The following KBTBD2 variants were observed in gnomAD, a reference collection of about 807,000 sequenced individuals.
KBTBD2 encodes the protein kelch repeat and BTB domain containing 2, also known as kelch repeat and BTB domain-containing protein 2.
A neutral mutation model predicts 57.1 loss-of-function variants in KBTBD2; 17 were observed. The ratio of observed to expected loss-of-function variants is 0.30; its 90% CI spans 0.20 to 0.45. The LOEUF (loss-of-function observed/expected upper bound fraction) is 0.45. KBTBD2 is among the 20% of genes least tolerant of loss of function. The probability of loss-of-function intolerance (pLI) is 1.00; values close to 1 mark genes in which losing one functional copy is unlikely to be tolerated. For synonymous variants in KBTBD2, 267 were observed against 262.7 expected (o/e 1.02, Z -0.16); for missense variants, 515 against 750.6 (o/e 0.69, Z 3.67).
chr7:32,878,582 C>CAA lies in KBTBD2; in HGVS notation c.170+851_170+852dup, dbSNP rs5883373. Reference sequence around the variant, plus strand: ...CCTGGACAACAGAGTGAGATCGTCTCAAAAAAAAAAAACAAAAACAAAACA... The same window carrying CAA: ...CCTGGACAACAGAGTGAGATCGTCTCAAAAAAAAAAAAAACAAAAACAAAACA... On this transcript the variant is annotated intron_variant, in intron 2 of 3. Transcript: ENST00000304056. Among the ~76,000 whole-genome samples, 304 of 141,686 alleles carry CAA rather than the reference C, an allele frequency of 2.1e-3. 1 individual carries two copies. The highest frequency in any genetic ancestry group is 3.8e-3 in the Middle Eastern group (1 of 266). The allele number at this position is 141,686 out of a possible 152,430, so 93.0% of individuals were successfully genotyped here.
upstream of KBTBD2, chr7:32,891,809 C>T (rs1290618541): frequency 2.0e-5 from 3 of 149,866 alleles, no homozygotes; most frequent in East Asian, 4.0e-4. Flanking sequence ...CCAGACTCCT[C>T]CCCCGGGAGC....
At chr7:32,882,899 C>A (rs1035049090) in intron 1 of KBTBD2, among the ~76,000 whole-genome samples, 1 of 152,174 alleles carries the variant, frequency 6.6e-6, no homozygotes, top group Non-Finnish European at 1.5e-5. Context: ...GCCAGGGAAT[C>A]ACCTGAACCT....
In KBTBD2 at chr7:32,878,898, T is replaced by G. The variant is rs570494552; in HGVS notation, c.170+537A>C. 2.3e-4 allele frequency among the ~76,000 whole-genome samples: 35 copies of G among 152,308 alleles called. No individual in the cohort carries two copies. In the South Asian group the frequency reaches 6.8e-3, roughly 30 times the overall value. ...AAATTAACTTCTGCATTCAGAGGCA[T>G]AGAGAACACCAACGTTACTAGTTAT... On this transcript the variant is annotated intron_variant, in intron 2 of 3. Transcript: ENST00000304056.
In KBTBD2 at chr7:32,884,918, C is replaced by T. The variant is rs114107086; in HGVS notation, c.-338-4976G>A. On this transcript the variant is annotated intron_variant, in intron 1 of 3. Transcript: ENST00000304056. ...CAGGTTACAGGCCACATTTACCAAACGCTGCTTTATTTTTAAAAATTTATA... is the reference window on the plus strand; with the variant it reads ...CAGGTTACAGGCCACATTTACCAAATGCTGCTTTATTTTTAAAAATTTATA... Among the ~76,000 whole-genome samples the T allele has an allele frequency of 7.2e-3, 1,081 of 150,004 alleles. 17 individuals carry two copies. The highest frequency in any genetic ancestry group is 0.025 in the African/African-American group (1,026 of 40,490).
intron 1 of KBTBD2, among the ~76,000 whole-genome samples, chr7:32,885,909 C>CTTCT (rs1554278245): frequency 1.4e-5 from 2 of 141,612 alleles, no homozygotes; most frequent in African/African-American, 5.2e-5. Context: ...TGTCTACACA[C>CTTCT]TTTTTTTTTT....
chr7:32,879,034 A>G (rs1158188858), intron 2 of KBTBD2, among the ~76,000 whole-genome samples: 1 of 152,216 alleles, frequency 6.6e-6, no homozygotes, highest in African/African-American at 2.4e-5. Context: ...TAACCTATCT[A>G]ACAGCACCAA....
intron 1 of KBTBD2, among the ~76,000 whole-genome samples, chr7:32,883,774 CA>C (rs1224625337): frequency 6.6e-6 from 1 of 152,166 alleles, no homozygotes; most frequent in Non-Finnish European, 1.5e-5. Flanking sequence ...TACTAAGTGC[CA>C]ATCATTGCAC....
At chr7:32,886,904 A>T (rs551388673) in intron 1 of KBTBD2, among the ~76,000 whole-genome samples, 8 of 152,218 alleles carry the variant, frequency 5.3e-5, no homozygotes, top group African/African-American at 1.9e-4. Context: ...TGAAATTTTT[A>T]AAAAATCCCA....
Position 32,870,287 on chromosome 7 carries a change from G to T in KBTBD2, c.930C>A (p.Thr310=), listed in dbSNP as rs776780974. The T allele has an allele frequency of 4.3e-6, 7 of 1,613,926 alleles. No homozygotes were observed. In the African/African-American group the frequency reaches 6.7e-5, roughly 15 times the overall value. ...SPPADLHKVG[T]VVTPDNDIYI... ...AGATATCATTATCAGGAGTTACAACGGTCCCAACCTTATGCAAATCAGCTG... is the reference window on the plus strand; with the variant it reads ...AGATATCATTATCAGGAGTTACAACTGTCCCAACCTTATGCAAATCAGCTG... Residue 310 remains threonine (T), a synonymous_variant, in exon 4 of 4, where the codon ACC becomes ACA. Transcript: ENST00000304056.
rs138441238 is a variant in KBTBD2, at chr7:32,882,222, G to C, written c.-338-2280C>G. On this transcript the variant is annotated intron_variant, in intron 1 of 3. Transcript: ENST00000304056. ...CAGAAATATATGCATTAATAAAGTA[G>C]AAGTCCTAATCCCAGTAGCTGGACT... is the stretch of plus-strand genomic sequence containing the variant. 3.4e-3 allele frequency among the ~76,000 whole-genome samples: 521 copies of C among 152,206 alleles called. 1 individual carries two copies. The highest frequency in any genetic ancestry group is 0.012 in the African/African-American group (505 of 41,528).
chr7:32,890,079 G>C lies in KBTBD2; in HGVS notation c.-339+1457C>G, dbSNP rs767335613. On this transcript the variant is annotated intron_variant, in intron 1 of 3. Transcript: ENST00000304056. The stretch of plus-strand genomic sequence containing the variant: ...TTATGAGAGCAAAAAGGGGAGTAGA[G>C]TTACAGCACTCATAAAGTCTTCCTA... Among the ~76,000 whole-genome samples the C allele has an allele frequency of 3.5e-5, 4 of 114,338 alleles. No individual in the cohort carries two copies. In the East Asian group the frequency reaches 7.6e-4, roughly 22 times the overall value. 75.0% of individuals were successfully genotyped at this position (114,338 alleles called of 152,430 possible).
intron 1 of KBTBD2, among the ~76,000 whole-genome samples, chr7:32,884,201 G>A (rs1317752272): frequency 1.3e-5 from 2 of 152,042 alleles, no homozygotes; most frequent in South Asian, 4.1e-4. Context: ...TATATGCAAT[G>A]ATTACCTGAT....
chr7:32,872,992 G>T (rs969229804), intron 3 of KBTBD2, among the ~76,000 whole-genome samples: 1 of 152,092 alleles, frequency 6.6e-6, no homozygotes, highest in African/African-American at 2.4e-5. Flanking sequence ...CCAGGTGTTG[G>T]CATTCAACCA....
rs1188128049 is a variant in KBTBD2 at position 32,891,701 on chromosome 7, C to G, written c.-504G>C. On this transcript the variant is annotated 5_prime_UTR_variant, in exon 1 of 4. Coordinates refer to ENST00000304056, the MANE Select transcript of KBTBD2 (RefSeq NM_015483.3). ...AGGCTGGCGCCGCCGCCTCTTCCTTCCGGTTTCCCCTCGCACCCTCCCTCG... is the reference window on the plus strand; with the variant it reads ...AGGCTGGCGCCGCCGCCTCTTCCTTGCGGTTTCCCCTCGCACCCTCCCTCG... 6.6e-6 allele frequency: 1 copy of G among 151,568 alleles called. No homozygotes were observed. Among genetic ancestry groups the G allele is most frequent in the African/African-American group, 2.4e-5 (1 of 41,274 alleles). 9.4% of individuals were successfully genotyped at this position (151,568 alleles called of 1,614,324 possible).
chr7:32,891,990 A>T (rs1018447726), upstream of KBTBD2: 1 of 109,004 alleles, frequency 9.2e-6, no homozygotes, highest in South Asian at 3.1e-4. Flanking sequence ...CGCCCTCGCC[A>T]CGCCGCCCTC....
At chr7:32,876,595 A>G (rs1448903263) in intron 2 of KBTBD2, among the ~76,000 whole-genome samples, 1 of 152,224 alleles carries the variant, frequency 6.6e-6, no homozygotes, top group Non-Finnish European at 1.5e-5. Flanking sequence ...AAAACTGGCT[A>G]TCAGGCTATG....
At chr7:32,878,219 CT>C (rs1194062674) in intron 2 of KBTBD2, among the ~76,000 whole-genome samples, 1 of 152,050 alleles carries the variant, frequency 6.6e-6, no homozygotes, top group African/African-American at 2.4e-5. Context: ...GTTTCGGTAT[CT>C]TCATACAAAG....
intron 2 of KBTBD2, among the ~76,000 whole-genome samples, chr7:32,878,536 C>T (rs1363311538): frequency 4.0e-5 from 6 of 150,810 alleles, no homozygotes; most frequent in East Asian, 2.0e-4. Context: ...GCCGAGATCG[C>T]GCCACTGCAC....
intron 3 of KBTBD2, among the ~76,000 whole-genome samples, chr7:32,872,168 G>A (rs1784195162): frequency 6.6e-6 from 1 of 152,030 alleles, no homozygotes; most frequent in South Asian, 2.1e-4. Flanking sequence ...CCACTGCATG[G>A]TGGCATGCCA....
Sources: allele counts gnomAD v4.1 joint callset (sites outside exome capture counted in the v4.1 genomes callset), GRCh38; gene constraint gnomAD v4.1.1; transcripts MANE v1.5; gene names NCBI Gene and HGNC (gene_info 2026-07-23, HGNC 2026-07-21).